The following CTNNA3 variants were observed in gnomAD, a reference collection of about 807,000 sequenced individuals.
The protein encoded by CTNNA3 is catenin alpha 3.
CTNNA3 carries 76 observed loss-of-function variants against 95.7 expected under a neutral mutation model. The observed-to-expected ratio is 0.79, with a 90% confidence interval of 0.66 to 0.96. The LOEUF is 0.96. CTNNA3 is among the 40% of genes least tolerant of loss of function. The pLI is 0.00. For synonymous variants in CTNNA3, 431 were observed against 374.4 expected, an observed-to-expected ratio of 1.15 and a Z score of -1.74; for missense variants, 1,191 against 1,089.8, an observed-to-expected ratio of 1.09 and a Z score of -1.31.
intron 1 of CTNNA3, among the ~76,000 whole-genome samples, chr10:67,684,229 C>A (rs1840685253): frequency 6.6e-6 from 1 of 152,100 alleles, no homozygotes; most frequent in Non-Finnish European, 1.5e-5. Context: ...AGACACAGAG[C>A]ACTGACTGGT....
At chr10:66,905,616 T>C (rs1256599728) in intron 7 of CTNNA3, among the ~76,000 whole-genome samples, 2 of 152,248 alleles carry the variant, frequency 1.3e-5, no homozygotes, top group African/African-American at 2.4e-5. Context: ...AAGCACCTAA[T>C]TGCCCATTGA....
intron 10 of CTNNA3, among the ~76,000 whole-genome samples, chr10:66,525,934 T>A (rs1841242234): frequency 1.3e-5 from 2 of 152,296 alleles, no homozygotes; most frequent in African/African-American, 4.8e-5. Context: ...TTATTTCCCT[T>A]AACATAATAT....
intron 7 of CTNNA3, among the ~76,000 whole-genome samples, chr10:66,874,146 A>G (rs1284844587): frequency 6.6e-6 from 1 of 152,048 alleles, no homozygotes. Flanking sequence ...CATGAGTCTC[A>G]GGAACAAGTG....
intron 3 of CTNNA3, among the ~76,000 whole-genome samples, chr10:67,553,494 C>T (rs1044017705): frequency 1.3e-5 from 2 of 151,966 alleles, no homozygotes; most frequent in East Asian, 3.9e-4. Context: ...GTCTTTAGCC[C>T]AAAGCGTCTC....
intron 7 of CTNNA3, among the ~76,000 whole-genome samples, chr10:67,149,277 G>A (rs566879890): frequency 6.6e-6 from 1 of 152,032 alleles, no homozygotes; most frequent in Non-Finnish European, 1.5e-5. Context: ...ATAAGTAAGG[G>A]GACAGTTTGA....
At chr10:67,642,933 T>A (rs140774634) in intron 2 of CTNNA3, among the ~76,000 whole-genome samples, 17,647 of 148,074 alleles carry the variant, frequency 0.12, 1,974 homozygotes, top group African/African-American at 0.29. Flanking sequence ...AAGACCTAGA[T>A]GCAGAAATAC....
intron 15 of CTNNA3, among the ~76,000 whole-genome samples, chr10:66,057,085 G>A (rs926631357): frequency 1.3e-5 from 2 of 152,092 alleles, no homozygotes; most frequent in Non-Finnish European, 2.9e-5. Context: ...TACCTCAACA[G>A]TATCCCATCA....
rs193200034 is a variant in CTNNA3 at position 66,553,875 on chromosome 10, A to G, written c.1375-33102T>C. Among the ~76,000 whole-genome samples the G allele has an allele frequency of 2.0e-5, 3 of 152,186 alleles. No individual in the cohort carries two copies. The East Asian group carries it at 5.8e-4, about 29-fold the overall frequency. ...CCTTTTGAACAATAAAAGGTCCTTC[A>G]ATCAATTAATCCTATGTTTTGCCAA... On this transcript the variant is annotated intron_variant, in intron 10 of 17. Transcript: ENST00000433211.
At chr10:66,698,072 G>A (rs1847828496) in intron 9 of CTNNA3, among the ~76,000 whole-genome samples, 1 of 152,098 alleles carries the variant, frequency 6.6e-6, no homozygotes, top group African/African-American at 2.4e-5. Context: ...ATGGAAACAA[G>A]CTCTGCCTTT....
At chr10:66,955,189 TC>T (rs1848724132) in intron 7 of CTNNA3, among the ~76,000 whole-genome samples, 1 of 152,126 alleles carries the variant, frequency 6.6e-6, no homozygotes, top group Non-Finnish European at 1.5e-5. Flanking sequence ...CCTGAAAAGA[TC>T]CATTTTATTC....
Position 66,655,080 on chromosome 10 carries a change from T to C in CTNNA3, c.1282-33296A>G, listed in dbSNP as rs373631560. Among the ~76,000 whole-genome samples the C allele has an allele frequency of 1.3e-4, 20 of 152,196 alleles. No individual in the cohort carries two copies. In the East Asian group the frequency reaches 1.4e-3, roughly 10 times the overall value. ...ATTCCTGAAAATTGCTTAGAAAGTA[T>C]TTTGTGTTCTTACCACAAAAAAATG... On this transcript the variant is annotated intron_variant, in intron 9 of 17. Transcript: ENST00000433211.
chr10:66,393,173 A>G (rs2092947510), intron 11 of CTNNA3, among the ~76,000 whole-genome samples: 1 of 152,150 alleles, frequency 6.6e-6, no homozygotes, highest in Non-Finnish European at 1.5e-5. Context: ...ATTACATGTC[A>G]TTCTGGAAAT....
At chr10:66,568,572 AT>A (rs1044234069) in intron 10 of CTNNA3, among the ~76,000 whole-genome samples, 19 of 152,100 alleles carry the variant, frequency 1.2e-4, no homozygotes, top group African/African-American at 4.3e-4. Flanking sequence ...CATACAGAAC[AT>A]AACATTTTTA....
intron 13 of CTNNA3, among the ~76,000 whole-genome samples, chr10:66,194,409 G>A (rs1181913797): frequency 2.0e-5 from 3 of 151,918 alleles, no homozygotes; most frequent in South Asian, 2.1e-4. Flanking sequence ...GCAAAAGCCC[G>A]TCTCTACTAA....
intron 6 of CTNNA3, among the ~76,000 whole-genome samples, chr10:67,202,460 T>C (rs1829093057): frequency 6.6e-6 from 1 of 152,190 alleles, no homozygotes; most frequent in South Asian, 2.1e-4. Flanking sequence ...TATCAAACTG[T>C]ATCTTAAAAC....
chr10:66,589,438 T>C (rs1038631621), intron 10 of CTNNA3, among the ~76,000 whole-genome samples: 3 of 152,066 alleles, frequency 2.0e-5, no homozygotes, highest in African/African-American at 4.8e-5. Context: ...GAAAGTGAAA[T>C]AGACATGAGA....
At chr10:66,447,840 C>T (rs2093433965) in intron 11 of CTNNA3, among the ~76,000 whole-genome samples, 1 of 152,056 alleles carries the variant, frequency 6.6e-6, no homozygotes, top group Non-Finnish European at 1.5e-5. Flanking sequence ...TCTAATTAAA[C>T]TAAAGAGCTT....
At chr10:67,403,107 G>C (rs1000876082) in intron 5 of CTNNA3, among the ~76,000 whole-genome samples, 5 of 152,234 alleles carry the variant, frequency 3.3e-5, no homozygotes, top group Non-Finnish European at 7.3e-5. Flanking sequence ...GTTCAAGTCT[G>C]TGGGCTTTGG....
chr10:66,421,011 CTT>C (rs1246869540), intron 11 of CTNNA3, among the ~76,000 whole-genome samples: 3 of 151,980 alleles, frequency 2.0e-5, no homozygotes, highest in African/African-American at 7.2e-5. Flanking sequence ...TAGAACCAAA[CTT>C]AGTGTCCATT....
Sources: allele counts gnomAD v4.1 joint callset (sites outside exome capture counted in the v4.1 genomes callset), GRCh38; gene constraint gnomAD v4.1.1; transcripts MANE v1.5; gene names NCBI Gene and HGNC (gene_info 2026-07-23, HGNC 2026-07-21).